The following TRAPPC9 variants were observed in gnomAD, a reference collection of about 807,000 sequenced individuals.
The protein encoded by TRAPPC9 is IKK2 binding protein.
Under a neutral mutation model 124.0 loss-of-function variants are expected in TRAPPC9, and 83 were observed. That is an observed-to-expected ratio of 0.67 (90% CI 0.56 to 0.80). The LOEUF is 0.80. Ranked by LOEUF, TRAPPC9 falls within the 30% of genes least tolerant of loss-of-function variation. The probability of loss-of-function intolerance (pLI) is 0.00; values close to 1 mark genes in which losing one functional copy is unlikely to be tolerated. For synonymous variants in TRAPPC9, 638 were observed against 617.5 expected (o/e 1.03, Z -0.49); for missense variants, 1,302 against 1,508.3 (o/e 0.86, Z 2.27).
At chr8:140,281,083 G>A (rs907552822) in intron 14 of TRAPPC9, among the ~76,000 whole-genome samples, 10 of 152,338 alleles carry the variant, frequency 6.6e-5, no homozygotes, top group African/African-American at 2.4e-4. Context: ...GACTGTGAAC[G>A]ATGCTGCTAT....
intron 17 of TRAPPC9, among the ~76,000 whole-genome samples, chr8:140,114,291 A>G (rs2060835929): frequency 7.3e-6 from 1 of 136,666 alleles, no homozygotes; most frequent in African/African-American, 2.6e-5. Context: ...GAATGTCTCT[A>G]TGTGCCTAGT....
intron 9 of TRAPPC9, 21 bp downstream of exon 9, chr8:140,360,029 T>C (rs372192042): frequency 4.8e-5 from 78 of 1,613,382 alleles, no homozygotes; most frequent in Non-Finnish European, 6.0e-5. Context: ...AAAAAAAACA[T>C]TGTGGTTTGA....
chr8:140,158,125 C>A (rs972065658), intron 17 of TRAPPC9, among the ~76,000 whole-genome samples: 1 of 152,082 alleles, frequency 6.6e-6, no homozygotes, highest in Non-Finnish European at 1.5e-5. Context: ...TTTTCTTCGA[C>A]ATGAAATTGT....
chr8:140,289,694 AAT>A (rs2065592892), intron 12 of TRAPPC9, among the ~76,000 whole-genome samples: 2 of 152,196 alleles, frequency 1.3e-5, no homozygotes. Flanking sequence ...CAAAAAAAAA[AAT>A]GTGTAAGAAA....
At chr8:140,074,105 C>T (rs757954515) in intron 17 of TRAPPC9, among the ~76,000 whole-genome samples, 25 of 152,190 alleles carry the variant, frequency 1.6e-4, no homozygotes, top group African/African-American at 2.7e-4. Context: ...CTCCCGATCA[C>T]GGACAAAATT....
intron 4 of TRAPPC9, among the ~76,000 whole-genome samples, chr8:140,427,661 T>C (rs1361839152): frequency 2.0e-5 from 3 of 152,136 alleles, no homozygotes; most frequent in African/African-American, 7.2e-5. Context: ...TCATTAGCTA[T>C]TTTCATTTTT....
At chr8:140,442,595 CA>C (rs34248211) in intron 2 of TRAPPC9, among the ~76,000 whole-genome samples, 58,018 of 118,824 alleles carry the variant, frequency 0.49, 12,337 homozygotes, top group South Asian at 0.56. Context: ...GAGCCTCTGT[CA>C]AAAAAAAAAA....
intron 17 of TRAPPC9, among the ~76,000 whole-genome samples, chr8:140,036,378 G>T (rs905441721): frequency 8.5e-5 from 13 of 152,142 alleles, no homozygotes; most frequent in Non-Finnish European, 1.8e-4. Context: ...TTGACGGTCA[G>T]GCTCCGCACA....
intron 20 of TRAPPC9, among the ~76,000 whole-genome samples, chr8:139,900,093 C>T (rs1243275840): frequency 1.3e-5 from 2 of 152,204 alleles, no homozygotes; most frequent in Non-Finnish European, 2.9e-5. Flanking sequence ...CCCTTCAGGG[C>T]GACCCACTGC....
rs889624353 is a variant in TRAPPC9 at position 139,988,727 on chromosome 8, G to T, written c.2809C>A (p.Arg937=). 6 of 1,547,396 alleles carry T rather than the reference G, an allele frequency of 3.9e-6. No individual in the cohort carries two copies. Among genetic ancestry groups the T allele is most frequent in the Non-Finnish European group, 4.4e-6 (5 of 1,144,552 alleles). The change falls in exon 19 of 23, where the codon CGA becomes AGA. Residue 937 remains arginine, a splice_region_variant and synonymous_variant. Transcript: ENST00000438773. ...ALILHAGECQ[R]MAIQVDKFNF... ...CGCGAGGGTCTATGGGACACTTACC[G>T]CTGGCACTCACCGGCGTGCAGGATG... is the stretch of plus-strand genomic sequence containing the variant.
intron 19 of TRAPPC9, among the ~76,000 whole-genome samples, chr8:139,922,293 C>T (rs540085577): frequency 6.6e-6 from 1 of 152,216 alleles, no homozygotes; most frequent in African/African-American, 2.4e-5. Flanking sequence ...AAGCGGTTCT[C>T]CTGTTTCAGC....
intron 16 of TRAPPC9, among the ~76,000 whole-genome samples, chr8:140,244,830 CAG>C (rs2063942057): frequency 9.8e-6 from 1 of 102,088 alleles, no homozygotes; most frequent in Non-Finnish European, 1.8e-5. Context: ...TTTTTTGAGA[CAG>C]AGTTTCGCTC....
chr8:139,954,066 A>T (rs1417183901), intron 19 of TRAPPC9, among the ~76,000 whole-genome samples: 2 of 152,074 alleles, frequency 1.3e-5, no homozygotes, highest in Non-Finnish European at 2.9e-5. Context: ...TATTAATAGA[A>T]CTCTAGAAAG....
intron 18 of TRAPPC9, among the ~76,000 whole-genome samples, chr8:139,992,786 T>C (rs529139118): frequency 3.3e-5 from 5 of 151,940 alleles, no homozygotes; most frequent in African/African-American, 7.2e-5. Context: ...GGAGAGATGA[T>C]TGTATTGGTG....
chr8:139,771,061 G>T (rs1820926040), intron 21 of TRAPPC9, among the ~76,000 whole-genome samples: 1 of 152,184 alleles, frequency 6.6e-6, no homozygotes, highest in Admixed American at 6.5e-5. Flanking sequence ...TGAACTTGCT[G>T]TGTGGTCAGC....
At chr8:140,000,113 CA>C (rs1838291602) in intron 18 of TRAPPC9, among the ~76,000 whole-genome samples, 1 of 152,114 alleles carries the variant, frequency 6.6e-6, no homozygotes, top group Admixed American at 6.5e-5. Context: ...ACAAACCTGA[CA>C]AAAACAAGCA....
At chr8:140,125,564 A>T (rs1191633019) in intron 17 of TRAPPC9, among the ~76,000 whole-genome samples, 1 of 141,884 alleles carries the variant, frequency 7.0e-6, no homozygotes, top group Non-Finnish European at 1.5e-5. Context: ...GGTCTTAGGC[A>T]TGTTCATTTA....
chr8:140,359,878 G>A (rs1554674542), intron 9 of TRAPPC9, among the ~76,000 whole-genome samples, 172 bp downstream of exon 9: 1 of 152,126 alleles, frequency 6.6e-6, no homozygotes, highest in Non-Finnish European at 1.5e-5. Context: ...CCAGAGAAGT[G>A]AGTGTGGAAG....
At chr8:139,846,254 T>C (rs1056444582) in intron 21 of TRAPPC9, among the ~76,000 whole-genome samples, 1 of 152,224 alleles carries the variant, frequency 6.6e-6, no homozygotes, top group Non-Finnish European at 1.5e-5. Flanking sequence ...CTGAACCCGA[T>C]GATCAATCAT....
Sources: allele counts gnomAD v4.1 joint callset (sites outside exome capture counted in the v4.1 genomes callset), GRCh38; gene constraint gnomAD v4.1.1; transcripts MANE v1.5; gene names NCBI Gene and HGNC (gene_info 2026-07-23, HGNC 2026-07-21).